The following FMNL2 variants were observed in gnomAD, a reference collection of about 807,000 sequenced individuals.
FMNL2 encodes formin like 2, also known as formin-like protein 2.
A neutral mutation model predicts 130.2 loss-of-function variants in FMNL2; 51 were observed. The ratio of observed to expected loss-of-function variants is 0.39; its 90% confidence interval spans 0.31 to 0.49. The LOEUF (loss-of-function observed/expected upper bound fraction) is 0.49. Among genes scored for constraint, FMNL2 ranks in the 20% least tolerant of loss-of-function variants. The probability of loss-of-function intolerance (pLI) is 0.85; values close to 1 mark genes in which losing one functional copy is unlikely to be tolerated. For missense variants in FMNL2, 977 were observed against 1,316.2 expected, an observed-to-expected ratio of 0.74 and a Z score of 3.99; for synonymous variants, 465 against 467.1, an observed-to-expected ratio of 1.00 and a Z score of 0.06.
chr2:152,384,488 T>C (rs1684672926), intron 1 of FMNL2, among the ~76,000 whole-genome samples: 2 of 152,136 alleles, frequency 1.3e-5, no homozygotes, highest in Admixed American at 6.5e-5. Flanking sequence ...TGGGGAGATA[T>C]GGTCCATTTG....
At position 152,648,728 on chromosome 2, in the gene FMNL2, A is replaced by C. The variant is rs1477142318; in HGVS notation, c.*823A>C. 4 of 152,656 alleles carry C rather than the reference A, an allele frequency of 2.6e-5. No individual in the cohort carries two copies. The highest frequency in any genetic ancestry group is 4.8e-5 in the African/African-American group (2 of 41,466). 9.5% of individuals were successfully genotyped at this position (152,656 alleles called of 1,614,324 possible). ...AGGAAGTTTACTAGCTCTATCAACA[A>C]GCATTCAAGGTTACATCTGCTAGCA... On this transcript the variant is annotated 3_prime_UTR_variant, in exon 26 of 26. Coordinates refer to ENST00000288670, the MANE Select transcript of FMNL2 (RefSeq NM_052905.4).
chr2:152,478,221 C>T (rs1211661534), intron 1 of FMNL2, among the ~76,000 whole-genome samples: 3 of 134,322 alleles, frequency 2.2e-5, no homozygotes, highest in South Asian at 2.4e-4. Flanking sequence ...TATACGTATA[C>T]ATATATACAT....
intron 1 of FMNL2, among the ~76,000 whole-genome samples, chr2:152,366,645 C>A (rs1484708508): frequency 2.6e-5 from 4 of 152,102 alleles, no homozygotes; most frequent in African/African-American, 9.7e-5. Context: ...AGAGCTGTAG[C>A]TTGAAATGTA....
At chr2:152,447,048 GT>G (rs1405135459) in intron 1 of FMNL2, among the ~76,000 whole-genome samples, 1 of 150,766 alleles carries the variant, frequency 6.6e-6, no homozygotes, top group Non-Finnish European at 1.5e-5. Context: ...AAAGAGAAGA[GT>G]TTAAAAAAAA....
At chr2:152,338,526 T>C (rs933583016) in intron 1 of FMNL2, among the ~76,000 whole-genome samples, 4 of 152,082 alleles carry the variant, frequency 2.6e-5, no homozygotes, top group African/African-American at 9.7e-5. Context: ...ATTGTGCGAA[T>C]ATAAAAAATT....
chr2:152,360,745 C>T (rs972157693), intron 1 of FMNL2, among the ~76,000 whole-genome samples: 2 of 152,030 alleles, frequency 1.3e-5, no homozygotes, highest in African/African-American at 4.8e-5. Flanking sequence ...TTTTCTATAC[C>T]ATTCTATTCT....
intron 3 of FMNL2, among the ~76,000 whole-genome samples, chr2:152,544,746 A>C (rs1694524277): frequency 2.0e-5 from 3 of 152,112 alleles, no homozygotes; most frequent in Admixed American, 2.0e-4. Flanking sequence ...AAAAATATGC[A>C]CACTCCTAGG....
intron 1 of FMNL2, among the ~76,000 whole-genome samples, chr2:152,371,867 T>C (rs1376633432): frequency 6.6e-6 from 1 of 152,044 alleles, no homozygotes; most frequent in East Asian, 1.9e-4. Context: ...CACCTTGCGA[T>C]GGCCTGTACC....
At chr2:152,608,154 A>G (rs1299505672) in intron 10 of FMNL2, among the ~76,000 whole-genome samples, 2 of 151,998 alleles carry the variant, frequency 1.3e-5, no homozygotes, top group South Asian at 2.1e-4. Flanking sequence ...CGTTGACCCA[A>G]TCCAGTTGCC....
intron 1 of FMNL2, among the ~76,000 whole-genome samples, chr2:152,339,757 A>G (rs1243602251): frequency 6.6e-6 from 1 of 152,178 alleles, no homozygotes; most frequent in Non-Finnish European, 1.5e-5. Context: ...CCTGAGATTG[A>G]ATGTGGTCAT....
chr2:152,528,658 A>G (rs1324818878), intron 2 of FMNL2, among the ~76,000 whole-genome samples: 1 of 152,096 alleles, frequency 6.6e-6, no homozygotes, highest in Admixed American at 6.6e-5. Context: ...TTTTCCACAA[A>G]TGGTTATACT....
intron 1 of FMNL2, among the ~76,000 whole-genome samples, chr2:152,460,485 T>A (rs1168153038): frequency 3.9e-5 from 6 of 152,190 alleles, no homozygotes; most frequent in Non-Finnish European, 7.3e-5. Flanking sequence ...GTCAAAGTAT[T>A]TTGGCCTTGT....
intron 25 of FMNL2, chr2:152,643,623 C>T (rs1204092683): frequency 2.5e-5 from 37 of 1,496,552 alleles, no homozygotes; most frequent in Non-Finnish European, 3.2e-5. Context: ...CATGGAATTG[C>T]CATCTCCATC....
intron 1 of FMNL2, among the ~76,000 whole-genome samples, chr2:152,484,922 A>G (rs1690733793): frequency 6.6e-6 from 1 of 152,252 alleles, no homozygotes; most frequent in African/African-American, 2.4e-5. Flanking sequence ...AGCTGTGTGT[A>G]GCAATGTTCT....
intron 11 of FMNL2, among the ~76,000 whole-genome samples, chr2:152,612,026 A>G (rs918243293): frequency 3.9e-5 from 6 of 152,208 alleles, no homozygotes; most frequent in African/African-American, 1.4e-4. Flanking sequence ...AGAGCATAAA[A>G]AAAAAATAAT....
intron 13 of FMNL2, among the ~76,000 whole-genome samples, chr2:152,618,376 A>T (rs533196322): frequency 1.3e-5 from 2 of 152,188 alleles, no homozygotes; most frequent in Non-Finnish European, 2.9e-5. Context: ...GTTACTCATG[A>T]GTAGATTATT....
chr2:152,562,332 T>C (rs973057727), intron 6 of FMNL2, among the ~76,000 whole-genome samples: 1 of 152,218 alleles, frequency 6.6e-6, no homozygotes, highest in Non-Finnish European at 1.5e-5. Context: ...ACATTATTTC[T>C]CTAAGTGTTT....
At chr2:152,409,886 G>C (rs1332821693) in intron 1 of FMNL2, among the ~76,000 whole-genome samples, 3 of 152,120 alleles carry the variant, frequency 2.0e-5, no homozygotes, top group Admixed American at 2.0e-4. Context: ...GATGTAGTCA[G>C]GGTTATCAAA....
intron 1 of FMNL2, among the ~76,000 whole-genome samples, chr2:152,489,689 G>T (rs1691033330): frequency 6.6e-6 from 1 of 152,136 alleles, no homozygotes; most frequent in East Asian, 1.9e-4. Context: ...TGGGGGTGGT[G>T]GATGTGGGAC....
Sources: allele counts gnomAD v4.1 joint callset (sites outside exome capture counted in the v4.1 genomes callset), GRCh38; gene constraint gnomAD v4.1.1; transcripts MANE v1.5; gene names NCBI Gene and HGNC (gene_info 2026-07-23, HGNC 2026-07-21).